The following NAV3 variants were observed in gnomAD, a reference collection of about 807,000 sequenced individuals.
NAV3 encodes neuron navigator 3.
NAV3 carries 87 observed loss-of-function variants against 244.7 expected under a neutral mutation model. The observed-to-expected ratio is 0.36, with a 90% CI of 0.30 to 0.42. The LOEUF is 0.42. NAV3 is among the 20% of genes least tolerant of loss of function. NAV3 has a pLI of 1.00. For missense variants in NAV3, 2,663 were observed against 2,893.3 expected (o/e 0.92, Z 1.83); for synonymous variants, 1,126 against 1,042.2 (o/e 1.08, Z -1.55).
At chr12:78,109,125 A>G (rs561809630) in intron 12 of NAV3, among the ~76,000 whole-genome samples, 2 of 152,176 alleles carry the variant, frequency 1.3e-5, no homozygotes, top group East Asian at 3.9e-4. Context: ...GAGACATTAC[A>G]ACAGATGCCA....
chr12:78,190,820 T>C (rs1009330061), intron 34 of NAV3, among the ~76,000 whole-genome samples: 2 of 152,116 alleles, frequency 1.3e-5, no homozygotes, highest in African/African-American at 4.8e-5. Context: ...CACTCAGATA[T>C]TAAAAAGGCA....
At chr12:77,942,030 A>C (rs1394377670) in intron 3 of NAV3, among the ~76,000 whole-genome samples, 1 of 152,242 alleles carries the variant, frequency 6.6e-6, no homozygotes, top group East Asian at 1.9e-4. Flanking sequence ...TGAAATCCAA[A>C]ATAATAAACA....
chr12:77,998,515 T>G (rs773962618), intron 7 of NAV3, 39 bp downstream of exon 7: 25 of 1,558,592 alleles, frequency 1.6e-5, no homozygotes, highest in Non-Finnish European at 2.2e-5. Context: ...AAGTCCAACA[T>G]GAGTCTTGTG....
chr12:77,706,151 G>A (rs1031623612), intron 2 of NAV3, among the ~76,000 whole-genome samples: 9 of 151,158 alleles, frequency 6.0e-5, no homozygotes, highest in Non-Finnish European at 1.3e-4. Context: ...TAGGAGATAT[G>A]AATTAATAAA....
intron 3 of NAV3, among the ~76,000 whole-genome samples, chr12:77,964,948 T>C (rs761289412): frequency 6.6e-6 from 1 of 152,162 alleles, no homozygotes; most frequent in African/African-American, 2.4e-5. Flanking sequence ...GATAGATTCT[T>C]GAATCTATTT....
chr12:77,814,271 A>C (rs1423821515), intron 2 of NAV3, among the ~76,000 whole-genome samples: 1 of 152,154 alleles, frequency 6.6e-6, no homozygotes, highest in Non-Finnish European at 1.5e-5. Context: ...TAATGTTGAT[A>C]CAACATCCCA....
At chr12:78,203,554 A>C (rs1959960630) in intron 38 of NAV3, among the ~76,000 whole-genome samples, 2 of 152,148 alleles carry the variant, frequency 1.3e-5, no homozygotes, top group Non-Finnish European at 2.9e-5. Flanking sequence ...ACTTCTCCAG[A>C]AGAAACTCAA....
chr12:77,583,879 A>G (rs754069944), intron 2 of NAV3, among the ~76,000 whole-genome samples: 3 of 152,106 alleles, frequency 2.0e-5, no homozygotes, highest in Non-Finnish European at 4.4e-5. Flanking sequence ...ATTCTCTTCC[A>G]GACATATTGA....
chr12:77,928,595 T>G (rs1888469262), intron 1 of NAV3, among the ~76,000 whole-genome samples: 2 of 152,212 alleles, frequency 1.3e-5, no homozygotes, highest in African/African-American at 4.8e-5. Context: ...GCAGGTTTGA[T>G]TTGACTATGA....
intron 11 of NAV3, among the ~76,000 whole-genome samples, chr12:78,054,591 C>T (rs1883211090): frequency 6.6e-6 from 1 of 152,048 alleles, no homozygotes; most frequent in Admixed American, 6.6e-5. Flanking sequence ...AGAGCTCTGG[C>T]TCAAGCTCAT....
At chr12:77,828,204 T>C (rs767785306), upstream of NAV3, among the ~76,000 whole-genome samples, 16 of 152,178 alleles carry the variant, frequency 1.1e-4, no homozygotes, top group Non-Finnish European at 1.3e-4. Context: ...TAATCCGTTA[T>C]AAAAGCGAGC....
intron 3 of NAV3, among the ~76,000 whole-genome samples, chr12:77,958,378 G>A (rs1891567360): frequency 6.6e-6 from 1 of 152,118 alleles, no homozygotes; most frequent in African/African-American, 2.4e-5. Context: ...TGTGTGATGA[G>A]TGAATAAATA....
At chr12:77,888,783 A>C in intron 1 of NAV3, among the ~76,000 whole-genome samples, 1 of 152,164 alleles carries the variant, frequency 6.6e-6, no homozygotes, top group African/African-American at 2.4e-5. Context: ...GAATGTTCTA[A>C]GTCTTCAAAT....
chr12:78,034,009 A>G (rs764413981), intron 9 of NAV3, among the ~76,000 whole-genome samples: 39 of 152,210 alleles, frequency 2.6e-4, no homozygotes, highest in African/African-American at 9.2e-4. Context: ...GAGAGCTGTA[A>G]CAAACAGAGT....
intron 2 of NAV3, among the ~76,000 whole-genome samples, chr12:77,804,904 A>G (rs988084605): frequency 6.6e-6 from 1 of 152,056 alleles, no homozygotes; most frequent in Non-Finnish European, 1.5e-5. Flanking sequence ...TGTAAGTTAT[A>G]TTCCTAGGTA....
intron 8 of NAV3, among the ~76,000 whole-genome samples, chr12:78,009,589 G>T (rs926415088): frequency 6.6e-6 from 1 of 151,802 alleles, no homozygotes; most frequent in African/African-American, 2.4e-5. Context: ...GTGTTACTTT[G>T]GGTCATATAT....
At chr12:78,042,457 C>A (rs1187077172) in intron 9 of NAV3, among the ~76,000 whole-genome samples, 1 of 152,184 alleles carries the variant, frequency 6.6e-6, no homozygotes, top group Non-Finnish European at 1.5e-5. Context: ...CAGTCTTTGT[C>A]CATGAGTCTA....
chr12:77,967,076 A>G (rs1024957327), intron 4 of NAV3, among the ~76,000 whole-genome samples: 16 of 152,104 alleles, frequency 1.1e-4, no homozygotes, highest in African/African-American at 3.9e-4. Context: ...GTTCAAACCT[A>G]ACTGGTAGTT....
rs368252063 is a variant in NAV3 at position 78,175,312 on chromosome 12, G to C, written c.4988G>C (p.Arg1663Pro). The C allele has an allele frequency of 6.2e-7, 1 of 1,610,288 alleles. No homozygotes were observed. The highest frequency in any genetic ancestry group is 2.2e-5 in the East Asian group (1 of 44,634). The change falls in exon 25 of 40, where the codon CGC becomes CCC. Residue 1663 changes from arginine to proline, a missense_variant. Arg to Pro is a moderately radical substitution (Grantham distance 103, BLOSUM62 -2). Coordinates refer to ENST00000397909, the MANE Select transcript of NAV3 (RefSeq NM_001024383.2). ...NGPDHPPKDL[R>P]IRRQHSSESV... ...ACTCTCCCTCTATTGCTAGATCTTCGCATCAGAAGACAGCATTCCTCTGAA... is the reference window on the plus strand; with the variant it reads ...ACTCTCCCTCTATTGCTAGATCTTCCCATCAGAAGACAGCATTCCTCTGAA...
Sources: allele counts gnomAD v4.1 joint callset (sites outside exome capture counted in the v4.1 genomes callset), GRCh38; gene constraint gnomAD v4.1.1; transcripts MANE v1.5; gene names NCBI Gene and HGNC (gene_info 2026-07-23, HGNC 2026-07-21).